PCDH15: variants seen among roughly 807,000 people sequenced by gnomAD.
PCDH15 encodes protocadherin-15.
In PCDH15, 129 loss-of-function variants were observed where a neutral mutation model predicts 178.5. The ratio of observed to expected loss-of-function variants is 0.72; its 90% CI spans 0.63 to 0.84. The LOEUF is 0.84. Ranked by LOEUF, PCDH15 falls within the 40% of genes least tolerant of loss-of-function variation. PCDH15 has a pLI of 0.00. For missense variants in PCDH15, 2,230 were observed against 2,099.9 expected, an observed-to-expected ratio of 1.06 and a Z score of -1.21; for synonymous variants, 800 against 732.0, an observed-to-expected ratio of 1.09 and a Z score of -1.50.
chr10:55,039,136 T>C (rs899431732), intron 2 of PCDH15, among the ~76,000 whole-genome samples: 2 of 151,844 alleles, frequency 1.3e-5, no homozygotes, highest in Non-Finnish European at 2.9e-5. Flanking sequence ...GATCCAAACC[T>C]CATTACAGAA....
chr10:54,196,336 G>A (rs945950419), intron 10 of PCDH15, among the ~76,000 whole-genome samples: 7 of 151,878 alleles, frequency 4.6e-5, no homozygotes, highest in Non-Finnish European at 7.4e-5. Context: ...TAGAGACAGG[G>A]TTTCACCGTG....
chr10:53,827,409 GTTC>G lies in PCDH15; in HGVS notation c.4348_4350del (p.Glu1450del). On this transcript the variant is annotated inframe_deletion, in exon 32 of 38. Coordinates refer to ENST00000644397, the MANE Select transcript of PCDH15 (RefSeq NM_001384140.1). ...TCTACTTACATTGAGCTGTCTCCAA[GTTC>G]TTCATAGAGATGCGCACCTGGCGGA... 6.2e-7 allele frequency: 1 copy of G among 1,612,730 alleles called. No homozygotes were observed. Among genetic ancestry groups the G allele is most frequent in the Non-Finnish European group, 8.5e-7 (1 of 1,179,124 alleles).
intron 1 of PCDH15, among the ~76,000 whole-genome samples, chr10:54,750,341 T>G (rs1946062047): frequency 6.6e-6 from 1 of 152,074 alleles, no homozygotes; most frequent in Non-Finnish European, 1.5e-5. Context: ...AGTTAAACAG[T>G]AAATAATTAA....
At chr10:55,115,989 T>G (rs1837620137) in intron 2 of PCDH15, among the ~76,000 whole-genome samples, 1 of 152,170 alleles carries the variant, frequency 6.6e-6, no homozygotes, top group African/African-American at 2.4e-5. Flanking sequence ...CCTACAGGTA[T>G]CTACACCCCT....
In PCDH15 at chr10:55,277,631, TTTG is replaced by T. The variant is rs941949415; in HGVS notation, c.-156+41965_-156+41967del. Among the ~76,000 whole-genome samples the T allele has an allele frequency of 3.3e-5, 5 of 152,082 alleles. No homozygotes were observed. In the East Asian group the frequency reaches 5.8e-4, roughly 18 times the overall value. ...TGCTAAAAACAGCTAATGATCTAAGTTTGTTGTTGTTATTATATTCCCCAAGAT... is the reference window on the plus strand; with the variant it reads ...TGCTAAAAACAGCTAATGATCTAAGTTTGTTGTTATTATATTCCCCAAGAT... On this transcript the variant is annotated intron_variant, in intron 1 of 5. Transcript: ENST00000458638.
intron 8 of PCDH15, among the ~76,000 whole-genome samples, chr10:54,278,367 T>G (rs1402796132): frequency 1.3e-5 from 2 of 151,598 alleles, no homozygotes; most frequent in Non-Finnish European, 3.0e-5. Context: ...ATTTATTGTA[T>G]TTTTTGGAAT....
At chr10:54,643,664 G>T (rs936673467) in intron 2 of PCDH15, among the ~76,000 whole-genome samples, 1 of 151,186 alleles carries the variant, frequency 6.6e-6, no homozygotes, top group African/African-American at 2.4e-5. Context: ...TATGTATTTG[G>T]TATAGATTCA....
intron 6 of PCDH15, among the ~76,000 whole-genome samples, chr10:54,343,837 A>T (rs1239172824): frequency 6.7e-6 from 1 of 149,208 alleles, no homozygotes; most frequent in African/African-American, 2.5e-5. Flanking sequence ...GTTGAAACAT[A>T]AAAAAAAAGA....
At chr10:54,351,456 C>A (rs1171660712) in intron 5 of PCDH15, among the ~76,000 whole-genome samples, 2 of 152,024 alleles carry the variant, frequency 1.3e-5, no homozygotes, top group Non-Finnish European at 2.9e-5. Context: ...AAAAATATTT[C>A]ATAGCATCAA....
Position 54,153,116 on chromosome 10 carries a change from G to C in PCDH15, c.1768C>G (p.Pro590Ala), listed in dbSNP as rs1399683085. The C allele has an allele frequency of 1.2e-6, 2 of 1,613,794 alleles. No homozygotes were observed. The highest frequency in any genetic ancestry group is 1.7e-6 in the Non-Finnish European group (2 of 1,179,814). ...ATAAATTACCTTCGCTCTGCAGGAG[G>C]AGCATTATCCGCTGCTTGGACCGTG... is the stretch of plus-strand genomic sequence containing the variant. ...ALTVQAADNA[P>A]PAERRNSICT... is the part of the protein sequence containing the mutation. The change falls in exon 14 of 38, where the codon CCT becomes GCT. Residue 590 changes from proline to alanine, a missense_variant. Transcript: ENST00000644397.
At chr10:53,934,325 A>G (rs925384654) in intron 25 of PCDH15, among the ~76,000 whole-genome samples, 5 of 152,118 alleles carry the variant, frequency 3.3e-5, no homozygotes, top group Admixed American at 1.3e-4. Context: ...CACTCATGCC[A>G]TCCCCACTGA....
chr10:53,892,737 G>T (rs1236427948), intron 26 of PCDH15, among the ~76,000 whole-genome samples: 1 of 152,150 alleles, frequency 6.6e-6, no homozygotes, highest in Non-Finnish European at 1.5e-5. Flanking sequence ...TGCAGGATTA[G>T]ACTATTTGAA....
At chr10:54,961,636 C>T (rs1838657690) in intron 2 of PCDH15, among the ~76,000 whole-genome samples, 1 of 152,178 alleles carries the variant, frequency 6.6e-6, no homozygotes, top group Non-Finnish European at 1.5e-5. Context: ...GACCTGCCTG[C>T]TGGAAGGAGC....
rs2134715430 is a variant in PCDH15 at position 54,369,198 on chromosome 10, T to C, written c.396A>G (p.Glu132=). Residue 132 remains glutamate, a synonymous_variant, in exon 5 of 38, where the codon GAA becomes GAG. Transcript: ENST00000644397. The stretch of plus-strand genomic sequence containing the variant: ...TCCTGTCTCTCACCACTATTCGCAC[T>C]TCATGGTAGATAATAGTGCCCACTT... ...NKKVGTIIYH[E]VRIVVRDRND... 1.2e-6 allele frequency: 2 copies of C among 1,613,120 alleles called. No homozygotes were observed. Among genetic ancestry groups the C allele is most frequent in the East Asian group, 4.5e-5 (2 of 44,840 alleles).
intron 2 of PCDH15, among the ~76,000 whole-genome samples, chr10:55,068,596 T>C (rs1474659793): frequency 6.6e-6 from 1 of 152,148 alleles, no homozygotes; most frequent in Non-Finnish European, 1.5e-5. Context: ...TTGTTTCAAA[T>C]GAATTTTAGG....
At chr10:54,766,101 C>T (rs1052854015) in intron 1 of PCDH15, among the ~76,000 whole-genome samples, 5 of 151,928 alleles carry the variant, frequency 3.3e-5, no homozygotes, top group Admixed American at 2.6e-4. Flanking sequence ...ATTAATCATG[C>T]AATGTATCTG....
At chr10:54,555,281 T>C (rs907625878) in intron 2 of PCDH15, among the ~76,000 whole-genome samples, 4 of 152,160 alleles carry the variant, frequency 2.6e-5, no homozygotes, top group African/African-American at 9.7e-5. Flanking sequence ...CTACAGATTA[T>C]TGTGTATCAC....
chr10:55,256,352 C>T (rs1038113190), intron 1 of PCDH15, among the ~76,000 whole-genome samples: 1 of 152,182 alleles, frequency 6.6e-6, no homozygotes, highest in Non-Finnish European at 1.5e-5. Flanking sequence ...GGGTTCATCT[C>T]ACTGGGGAGT....
At chr10:54,210,812 T>C (rs116967071) in intron 10 of PCDH15, among the ~76,000 whole-genome samples, 2,346 of 151,476 alleles carry the variant, frequency 0.015, 24 homozygotes, top group Non-Finnish European at 0.024. Context: ...GCATGCTAGA[T>C]AGAATAAGTA....
Sources: allele counts gnomAD v4.1 joint callset (sites outside exome capture counted in the v4.1 genomes callset), GRCh38; gene constraint gnomAD v4.1.1; transcripts MANE v1.5; gene names NCBI Gene and HGNC (gene_info 2026-07-23, HGNC 2026-07-21).